The following FGF12 variants were observed in gnomAD, a reference collection of about 807,000 sequenced individuals.
The protein encoded by FGF12 is fibroblast growth factor 12.
In FGF12, 14 loss-of-function variants were observed where a neutral mutation model predicts 23.6. The ratio of observed to expected loss-of-function variants is 0.59; its 90% confidence interval spans 0.39 to 0.93. The LOEUF is 0.93. Among genes scored for constraint, FGF12 ranks in the 40% least tolerant of loss-of-function variants. FGF12 has a pLI of 0.00. For missense variants in FGF12, 175 were observed against 217.8 expected, an observed-to-expected ratio of 0.80 and a Z score of 1.24; for synonymous variants, 62 against 77.3, an observed-to-expected ratio of 0.80 and a Z score of 1.04.
chr3:192,207,729 G>A (rs1717728534), intron 4 of FGF12, among the ~76,000 whole-genome samples: 1 of 152,172 alleles, frequency 6.6e-6, no homozygotes, highest in Non-Finnish European at 1.5e-5. Flanking sequence ...GTTTTTAGCA[G>A]GGCAGTGAAA....
chr3:192,172,117 G>C (rs149805053), intron 4 of FGF12, among the ~76,000 whole-genome samples: 5 of 152,072 alleles, frequency 3.3e-5, no homozygotes, highest in Admixed American at 1.3e-4. Context: ...GCTGGGGTGT[G>C]GTAGCTTACC....
intron 2 of FGF12, among the ~76,000 whole-genome samples, chr3:192,666,917 T>TGATAGATA (rs56278131): frequency 0.092 from 13,554 of 147,526 alleles, 619 homozygotes; most frequent in East Asian, 0.15. Flanking sequence ...GATAGATAGA[T>TGATAGATA]GATAGATAGA....
intron 2 of FGF12, among the ~76,000 whole-genome samples, chr3:192,395,315 G>C (rs1032632969): frequency 1.3e-5 from 2 of 152,188 alleles, no homozygotes; most frequent in African/African-American, 4.8e-5. Context: ...TGGCCATTAG[G>C]AGTTGGGTTG....
intron 2 of FGF12, among the ~76,000 whole-genome samples, chr3:192,365,455 G>A (rs1006088775): frequency 2.6e-5 from 4 of 152,006 alleles, no homozygotes; most frequent in African/African-American, 4.8e-5. Flanking sequence ...TAAACATACT[G>A]TAATGATATA....
rs770781442 is a variant in FGF12, at chr3:192,714,513, A to ATTTTTTTTTT, written c.13+12658_13+12667dup. 4.4e-4 allele frequency among the ~76,000 whole-genome samples: 44 copies of ATTTTTTTTTT among 99,756 alleles called. 1 individual carries two copies. Among genetic ancestry groups the ATTTTTTTTTT allele is most frequent in the South Asian group, 1.2e-3 (3 of 2,534 alleles). 65.4% of individuals were successfully genotyped at this position (99,756 alleles called of 152,430 possible). A position where few individuals can be genotyped will look rare whatever the true frequency, so the allele number is the denominator to read the frequency against. The stretch of plus-strand genomic sequence containing the variant: ...CTTATTTATAGATCTTAAGGAAATA[A>ATTTTTTTTTT]TTTTTTTTTTTTTTTTTTTTTTTGA... On this transcript the variant is annotated intron_variant, in intron 2 of 5. Transcript: ENST00000445105.
In FGF12 at chr3:192,485,037, T is replaced by A. The variant is rs1224413141; in HGVS notation, c.14-124499A>T. On this transcript the variant is annotated intron_variant, in intron 2 of 5. Coordinates refer to ENST00000445105, the MANE Select transcript of FGF12 (RefSeq NM_004113.6). ...TAAATTTTATATGTGTACACATAAATTTTAAAATTTTAAATTTTATATGTG... is the reference window on the plus strand; with the variant it reads ...TAAATTTTATATGTGTACACATAAAATTTAAAATTTTAAATTTTATATGTG... Among the ~76,000 whole-genome samples the A allele has an allele frequency of 6.7e-5, 10 of 148,870 alleles. 1 individual carries two copies. Among genetic ancestry groups the A allele is most frequent in the Admixed American group, 3.9e-4 (6 of 15,248 alleles).
intron 2 of FGF12, among the ~76,000 whole-genome samples, chr3:192,697,862 C>T (rs911111579): frequency 1.6e-4 from 25 of 152,200 alleles, no homozygotes; most frequent in Admixed American, 5.2e-4. Context: ...TTGCTCATTG[C>T]TGCTCCCTTG....
chr3:192,395,028 C>A (rs1430543468), intron 2 of FGF12, among the ~76,000 whole-genome samples: 2 of 152,104 alleles, frequency 1.3e-5, no homozygotes, highest in South Asian at 4.1e-4. Context: ...ATATAAGGAC[C>A]AGACATGACT....
intron 2 of FGF12, among the ~76,000 whole-genome samples, chr3:192,450,706 G>A (rs1576990020): frequency 6.6e-6 from 1 of 152,140 alleles, no homozygotes; most frequent in Admixed American, 6.5e-5. Context: ...ACAGTTTCAT[G>A]GATTAAGAAT....
intron 4 of FGF12, among the ~76,000 whole-genome samples, chr3:192,223,496 C>G (rs988424870): frequency 2.6e-5 from 4 of 152,044 alleles, no homozygotes; most frequent in Non-Finnish European, 5.9e-5. Context: ...CTCCGTGGCT[C>G]CTCAGATAAT....
intron 5 of FGF12, among the ~76,000 whole-genome samples, chr3:192,144,554 A>G (rs1294182227): frequency 6.6e-6 from 1 of 152,230 alleles, no homozygotes; most frequent in Non-Finnish European, 1.5e-5. Flanking sequence ...TAATGTATCA[A>G]ACTGAAATAT....
chr3:192,656,040 CAAAAAAA>C (rs11292484), intron 2 of FGF12, among the ~76,000 whole-genome samples: 29 of 106,562 alleles, frequency 2.7e-4, no homozygotes, highest in South Asian at 1.8e-3. Context: ...GAGGTTCAGG[CAAAAAAA>C]AAAAAAAAAA....
intron 4 of FGF12, among the ~76,000 whole-genome samples, chr3:192,277,954 G>A (rs4234622): frequency 0.34 from 52,041 of 151,902 alleles, 9,990 homozygotes; most frequent in East Asian, 0.89. Context: ...GTAGAGACGG[G>A]GTTTCGCCAT....
intron 4 of FGF12, among the ~76,000 whole-genome samples, chr3:192,300,181 G>A (rs973018716): frequency 6.6e-6 from 1 of 152,122 alleles, no homozygotes; most frequent in Non-Finnish European, 1.5e-5. Context: ...AGGTGTCCTG[G>A]GTTGGAAAAT....
At chr3:192,264,085 T>G in intron 4 of FGF12, among the ~76,000 whole-genome samples, 1 of 152,066 alleles carries the variant, frequency 6.6e-6, no homozygotes, top group East Asian at 1.9e-4. Flanking sequence ...ATCAAATGAA[T>G]CAATCCTCCC....
At chr3:192,232,259 C>G (rs1204582327) in intron 4 of FGF12, among the ~76,000 whole-genome samples, 2 of 152,078 alleles carry the variant, frequency 1.3e-5, no homozygotes, top group African/African-American at 4.8e-5. Context: ...AGGTCATTTT[C>G]TTTCCTTTCT....
intron 5 of FGF12, among the ~76,000 whole-genome samples, chr3:192,162,555 G>T (rs1251961813): frequency 1.3e-5 from 2 of 152,028 alleles, no homozygotes; most frequent in Non-Finnish European, 1.5e-5. Context: ...AGTATCACAG[G>T]CTGGCAGAAA....
At chr3:192,185,360 G>A (rs1167840553) in intron 4 of FGF12, among the ~76,000 whole-genome samples, 2 of 152,178 alleles carry the variant, frequency 1.3e-5, no homozygotes, top group Non-Finnish European at 2.9e-5. Context: ...GTTTGTAAAT[G>A]AGCTAATGAA....
intron 4 of FGF12, among the ~76,000 whole-genome samples, chr3:192,249,492 G>A (rs144250014): frequency 2.6e-5 from 4 of 152,054 alleles, no homozygotes; most frequent in Non-Finnish European, 5.9e-5. Context: ...GTAGGGTCTT[G>A]AATGCTACCT....
Sources: gnomAD v4.1 joint callset for allele counts (sites outside exome capture counted in the v4.1 genomes callset) on GRCh38, gnomAD v4.1.1 for gene constraint, MANE v1.5 for transcripts, NCBI Gene and HGNC (gene_info 2026-07-23, HGNC 2026-07-21) for gene names.